The following MAP3K1 variants were observed in gnomAD, a reference collection of about 807,000 sequenced individuals.
MAP3K1 encodes the protein MAP/ERK kinase kinase 1.
MAP3K1 carries 36 observed loss-of-function variants against 144.2 expected under a neutral mutation model. The ratio of observed to expected loss-of-function variants is 0.25; its 90% CI spans 0.19 to 0.33. MAP3K1 has a LOEUF of 0.33. MAP3K1 is among the 10% of genes least tolerant of loss of function. MAP3K1 has a pLI of 1.00. For synonymous variants in MAP3K1, 718 were observed against 688.7 expected (o/e 1.04, Z -0.67); for missense variants, 1,650 against 1,881.9 (o/e 0.88, Z 2.28).
chr5:56,826,477 G>A (rs537563579), intron 1 of MAP3K1, among the ~76,000 whole-genome samples: 1 of 113,928 alleles, frequency 8.8e-6, no homozygotes, highest in South Asian at 2.6e-4. Flanking sequence ...TAAAAGCTCA[G>A]AGATGTGGTC....
intron 1 of MAP3K1, among the ~76,000 whole-genome samples, chr5:56,827,977 G>T (rs1233877113): frequency 6.6e-6 from 1 of 151,994 alleles, no homozygotes; most frequent in East Asian, 1.9e-4. Flanking sequence ...GGTCGTTGGT[G>T]GTATAATGAA....
intron 16 of MAP3K1, 112 bp from the exon 17 acceptor site, chr5:56,885,818 TTC>T: frequency 2.4e-6 from 2 of 835,124 alleles, no homozygotes; most frequent in Non-Finnish European, 4.0e-6. Context: ...AATGTTTTTC[TTC>T]TGTTTCAGAT....
chr5:56,893,252 C>T (rs1199510061), intron 19 of MAP3K1, among the ~76,000 whole-genome samples: 8 of 152,094 alleles, frequency 5.3e-5, no homozygotes, highest in Non-Finnish European at 8.8e-5. Context: ...TCTACCTGAA[C>T]ATTTTGATGT....
chr5:56,823,661 G>A (rs1433685750), intron 1 of MAP3K1, among the ~76,000 whole-genome samples: 7 of 152,226 alleles, frequency 4.6e-5, no homozygotes, highest in African/African-American at 1.7e-4. Context: ...AGCTGAAAAG[G>A]TGTTAAATGG....
intron 3 of MAP3K1, among the ~76,000 whole-genome samples, chr5:56,864,368 A>G (rs958110334): frequency 1.4e-5 from 2 of 143,064 alleles, no homozygotes; most frequent in African/African-American, 5.2e-5. Context: ...TCTTCTTTGG[A>G]TAATAGTTTC....
intron 1 of MAP3K1, among the ~76,000 whole-genome samples, chr5:56,854,040 G>A (rs1282619294): frequency 6.6e-6 from 1 of 152,190 alleles, no homozygotes; most frequent in African/African-American, 2.4e-5. Flanking sequence ...ACCTGGATGG[G>A]CGTGTGAATG....
intron 1 of MAP3K1, chr5:56,820,909 C>T (rs1173376502): frequency 8.5e-6 from 4 of 470,658 alleles, no homozygotes; most frequent in Non-Finnish European, 8.3e-6. Context: ...TAGTTTCAAA[C>T]TATTTCTGCC....
intron 1 of MAP3K1, among the ~76,000 whole-genome samples, chr5:56,829,018 C>G (rs1388183874): frequency 1.3e-5 from 2 of 152,060 alleles, no homozygotes; most frequent in African/African-American, 4.8e-5. Context: ...GAAAATGCAA[C>G]TGCATTTCAC....
chr5:56,856,969 G>A (rs1356468557), intron 2 of MAP3K1, among the ~76,000 whole-genome samples: 6 of 152,002 alleles, frequency 3.9e-5, no homozygotes, highest in African/African-American at 9.7e-5. Context: ...TTGGTGGAGG[G>A]GTAAATGCTT....
chr5:56,863,149 G>A (rs1747569911), intron 3 of MAP3K1, among the ~76,000 whole-genome samples: 1 of 152,154 alleles, frequency 6.6e-6, no homozygotes, highest in Non-Finnish European at 1.5e-5. Flanking sequence ...TGATTCCTTT[G>A]CTTTGCTTTG....
chr5:56,881,015 A>G, intron 12 of MAP3K1, 68 bp from the exon 13 acceptor site: 2 of 1,353,482 alleles, frequency 1.5e-6, no homozygotes, highest in South Asian at 2.5e-5. Context: ...ACACCATTTA[A>G]TCATGTCTTG....
chr5:56,841,872 C>T (rs990176396), intron 1 of MAP3K1: 3 of 152,146 alleles, frequency 2.0e-5, no homozygotes, highest in African/African-American at 7.2e-5. Flanking sequence ...TGTCATTTTC[C>T]TTTAGTTCCG....
At position 56,883,604 on chromosome 5, in the gene MAP3K1, G is replaced by A; in HGVS notation, c.3744G>A (p.Gln1248=). 1 of 1,614,102 alleles carries A rather than the reference G, an allele frequency of 6.2e-7. No homozygotes were observed. Among genetic ancestry groups the A allele is most frequent in the Non-Finnish European group, 8.5e-7 (1 of 1,179,970 alleles). Residue 1248 remains glutamine, a synonymous_variant, in exon 15 of 20, where the codon CAG becomes CAA. Transcript: ENST00000399503. ...ACACTGAATGGCTGAAAGGTCAACA[G>A]ATAGGCCTTGGAGCATTTTCTTCTT... ...REDTEWLKGQ[Q]IGLGAFSSCY...
chr5:56,839,725 C>T (rs1317574177), intron 1 of MAP3K1, among the ~76,000 whole-genome samples: 3 of 152,070 alleles, frequency 2.0e-5, no homozygotes, highest in Non-Finnish European at 4.4e-5. Context: ...AAGATGTGCA[C>T]GTTAGGTTCA....
At chr5:56,839,270 A>G (rs1746741606) in intron 1 of MAP3K1, among the ~76,000 whole-genome samples, 1 of 152,206 alleles carries the variant, frequency 6.6e-6, no homozygotes, top group South Asian at 2.1e-4. Context: ...TTTTTAGTAT[A>G]TTGGGACATT....
intron 15 of MAP3K1, 142 bp from the exon 16 acceptor site, chr5:56,884,522 C>A: frequency 1.4e-6 from 1 of 727,214 alleles, no homozygotes. Flanking sequence ...AAGAGTTTGA[C>A]TTGGGTTTGT....
At chr5:56,889,251 C>T (rs1748474707) in intron 19 of MAP3K1, among the ~76,000 whole-genome samples, 1 of 152,166 alleles carries the variant, frequency 6.6e-6, no homozygotes, top group African/African-American at 2.4e-5. Context: ...TCACTATAGC[C>T]TCCGCTTCCC....
At chr5:56,840,182 C>G (rs563450927) in intron 1 of MAP3K1, among the ~76,000 whole-genome samples, 4 of 152,320 alleles carry the variant, frequency 2.6e-5, no homozygotes, top group Admixed American at 2.0e-4. Flanking sequence ...GAGCCTTGCT[C>G]TGTCACCCAG....
chr5:56,855,061 C>T (rs189044034), intron 1 of MAP3K1, among the ~76,000 whole-genome samples: 2 of 152,196 alleles, frequency 1.3e-5, no homozygotes, highest in Admixed American at 6.5e-5. Context: ...TTTTGGAAGA[C>T]ACTTTATCCC....
Sources: gnomAD v4.1 joint callset for allele counts (sites outside exome capture counted in the v4.1 genomes callset) on GRCh38, gnomAD v4.1.1 for gene constraint, MANE v1.5 for transcripts, NCBI Gene and HGNC (gene_info 2026-07-23, HGNC 2026-07-21) for gene names.